The following P4HB variants were observed in gnomAD, a reference collection of about 807,000 sequenced individuals.
P4HB encodes the protein prolyl 4-hydroxylase subunit beta.
In P4HB, 20 loss-of-function variants were observed where a neutral mutation model predicts 52.6. The observed-to-expected ratio is 0.38, with a 90% CI of 0.27 to 0.55. The LOEUF is 0.55. P4HB is among the 20% of genes least tolerant of loss of function. P4HB has a pLI of 0.74. For missense variants in P4HB, 601 were observed against 669.2 expected, an observed-to-expected ratio of 0.90 and a Z score of 1.12; for synonymous variants, 296 against 277.9, an observed-to-expected ratio of 1.07 and a Z score of -0.65.
At chr17:81,844,118 C>A in intron 10 of P4HB, 26 bp from the exon 11 acceptor site, 2 of 1,541,390 alleles carry the variant, frequency 1.3e-6, no homozygotes, top group Non-Finnish European at 1.8e-6. Flanking sequence ...AGGGGCGGGG[C>A]GGGCAGGTTG....
chr17:81,855,202 G>A lies in P4HB; in HGVS notation c.564C>T (p.Ser188=). 1.2e-6 allele frequency: 2 copies of A among 1,613,986 alleles called. No homozygotes were observed. The highest frequency in any genetic ancestry group is 1.7e-6 in the Non-Finnish European group (2 of 1,179,910). The change falls in exon 4 of 11, where the codon TCC becomes TCT. Residue 188 remains serine, a synonymous_variant. Coordinates refer to ENST00000331483, the MANE Select transcript of P4HB (RefSeq NM_000918.4). The surrounding 1 kb of genome is among the most constrained non-coding windows in gnomAD (Gnocchi z 4.3). ...GGTATTTGGAGAACACGTCACTGTT[G>A]GAAGTGATCCCAAATGGTATGTCAT... ...AIDDIPFGIT[S]NSDVFSKYQL...
chr17:81,857,793 TC>T (rs2038934080), intron 2 of P4HB, among the ~76,000 whole-genome samples: 1 of 152,110 alleles, frequency 6.6e-6, no homozygotes. Flanking sequence ...CTCTCCTTTT[TC>T]CCTCCTAGAA....
At chr17:81,851,951 G>A (rs1198315518) in intron 4 of P4HB, among the ~76,000 whole-genome samples, 2 of 152,252 alleles carry the variant, frequency 1.3e-5, no homozygotes, top group Admixed American at 6.5e-5. Context: ...GGCAGGCTGA[G>A]GCAGGAGGAT....
intron 2 of P4HB, 147 bp downstream of exon 2, chr17:81,859,034 T>C: frequency 1.5e-6 from 1 of 669,968 alleles, no homozygotes. Context: ...AGGGCACAAG[T>C]GGACAGAGAA....
chr17:81,848,248 C>T (rs1311630863), intron 4 of P4HB, among the ~76,000 whole-genome samples: 1 of 152,228 alleles, frequency 6.6e-6, no homozygotes, highest in Non-Finnish European at 1.5e-5. Flanking sequence ...TGCCTTTTCA[C>T]TCTCCCTCTC....
In P4HB at chr17:81,859,576, G is replaced by A. The variant is rs954251318; in HGVS notation, c.146-189C>T. The A allele has an allele frequency of 1.3e-5, 8 of 597,846 alleles. No homozygotes were observed. The Admixed American group carries it at 2.4e-4, about 18-fold the overall frequency. The allele number at this position is 597,846 out of a possible 1,614,324, so 37.0% of individuals were successfully genotyped here. A position where few individuals can be genotyped will look rare whatever the true frequency, so the allele number is the denominator to read the frequency against. On this transcript the variant is annotated intron_variant, in intron 1 of 10. Coordinates refer to ENST00000331483, the MANE Select transcript of P4HB (RefSeq NM_000918.4). Reference sequence around the variant, plus strand: ...GTTCTTGGGCAATATCAGGACAGAGGCCGTGAACGACAAACTACCACCAAC... The same window carrying A: ...GTTCTTGGGCAATATCAGGACAGAGACCGTGAACGACAAACTACCACCAAC...
At chr17:81,854,819 G>GT (rs1471247875) in intron 4 of P4HB, among the ~76,000 whole-genome samples, 9 of 149,860 alleles carry the variant, frequency 6.0e-5, no homozygotes, top group Admixed American at 3.3e-4. Context: ...TCCAGCATGG[G>GT]TGACAGAGCA....
intron 1 of P4HB, chr17:81,860,044 C>G (rs372887926): frequency 3.3e-6 from 1 of 304,492 alleles, no homozygotes; most frequent in Non-Finnish European, 6.0e-6. Context: ...AGGCTGGACA[C>G]TGGCTTGCTC....
chr17:81,860,321 G>A lies in P4HB; in HGVS notation c.145+6C>T. On this transcript the variant is annotated splice_donor_region_variant and intron_variant, in intron 1 of 10. Coordinates refer to ENST00000331483, the MANE Select transcript of P4HB (RefSeq NM_000918.4). ...GCCCCGCCCGCCCGCCAGGCCCGGC[G>A]CTCACAGAACTCCACCAGCAGGTAC... is the stretch of plus-strand genomic sequence containing the variant. 3 of 1,455,226 alleles carry A rather than the reference G, an allele frequency of 2.1e-6. No individual in the cohort carries two copies. The highest frequency in any genetic ancestry group is 3.0e-5 in the East Asian group (1 of 32,794). The allele number at this position is 1,455,226 out of a possible 1,614,324, so 90.1% of individuals were successfully genotyped here.
Position 81,843,450 on chromosome 17 carries a change from G to T in P4HB, c.*562C>A. 2.5e-6 allele frequency: 1 copy of T among 399,968 alleles called. No homozygotes were observed. The highest frequency in any genetic ancestry group is 1.3e-4 in the South Asian group (1 of 7,912). The allele number at this position is 399,968 out of a possible 1,614,324, so 24.8% of individuals were successfully genotyped here. ...AGCCACCAGCTCCTCTTCCAGGCATGGGGGACACCCTGACAGGATCCGGAA... is the reference window on the plus strand; with the variant it reads ...AGCCACCAGCTCCTCTTCCAGGCATTGGGGACACCCTGACAGGATCCGGAA... On this transcript the variant is annotated 3_prime_UTR_variant, in exon 11 of 11. Coordinates refer to ENST00000331483, the MANE Select transcript of P4HB (RefSeq NM_000918.4).
At chr17:81,844,608 C>T (rs967612863) in intron 10 of P4HB, among the ~76,000 whole-genome samples, 6 of 152,222 alleles carry the variant, frequency 3.9e-5, no homozygotes, top group African/African-American at 1.4e-4. Context: ...CACCAGCACT[C>T]CCAGCAGGCC....
At chr17:81,852,932 G>A (rs1208746556) in intron 4 of P4HB, among the ~76,000 whole-genome samples, 3 of 152,242 alleles carry the variant, frequency 2.0e-5, no homozygotes, top group Non-Finnish European at 1.5e-5. Flanking sequence ...ACAAGACTTG[G>A]AACTTTCTCT....
chr17:81,846,385 G>T lies in P4HB; in HGVS notation c.1056+44C>A. 3.2e-6 allele frequency: 5 copies of T among 1,580,332 alleles called. No homozygotes were observed. Among genetic ancestry groups the T allele is most frequent in the Non-Finnish European group, 4.3e-6 (5 of 1,151,656 alleles). ...GAGAGCCCAGAGACCCCAAGGTGGC[G>T]GCTCTACCCGGGAGGCAGCCCTGGC... On this transcript the variant is annotated intron_variant, in intron 7 of 10. Coordinates refer to ENST00000331483, the MANE Select transcript of P4HB (RefSeq NM_000918.4). The surrounding 1 kb of genome is among the most constrained non-coding windows in gnomAD (Gnocchi z 5.7).
Position 81,860,523 on chromosome 17 carries a change from G to C in P4HB, c.-52C>G. ...TCGGTTGGCGCCGCCGGGACAGCGG[G>C]GGCGACGAGAGCGCGCGCCGGTCCC... On this transcript the variant is annotated 5_prime_UTR_variant, in exon 1 of 11. Coordinates refer to ENST00000331483, the MANE Select transcript of P4HB (RefSeq NM_000918.4). 2 of 1,231,174 alleles carry C rather than the reference G, an allele frequency of 1.6e-6. No homozygotes were observed. The highest frequency in any genetic ancestry group is 2.0e-6 in the Non-Finnish European group (2 of 985,328). The allele number at this position is 1,231,174 out of a possible 1,614,324, so 76.3% of individuals were successfully genotyped here. A position where few individuals can be genotyped will look rare whatever the true frequency, so the allele number is the denominator to read the frequency against.
intron 2 of P4HB, among the ~76,000 whole-genome samples, chr17:81,856,456 C>T (rs778619260): frequency 1.7e-4 from 25 of 150,530 alleles, no homozygotes; most frequent in Non-Finnish European, 2.8e-4. Flanking sequence ...TCCTGCCTGA[C>T]CCTCCCGCGT....
intron 4 of P4HB, among the ~76,000 whole-genome samples, chr17:81,850,377 C>T (rs192754396): frequency 3.3e-5 from 5 of 152,236 alleles, no homozygotes; most frequent in African/African-American, 4.8e-5. Context: ...CTCAGGTGAT[C>T]GGCCTGCTTC....
intron 4 of P4HB, among the ~76,000 whole-genome samples, chr17:81,854,734 C>T (rs1403600741): frequency 2.6e-5 from 4 of 151,278 alleles, no homozygotes; most frequent in African/African-American, 2.4e-5. Flanking sequence ...CCCAGCTACT[C>T]GGGAGGCCGA....
rs1456677151 is a variant in P4HB at position 81,847,285 on chromosome 17, G to T, written c.687C>A (p.Ile229=). The change falls in exon 5 of 11, where the codon ATC becomes ATA. Residue 229 remains isoleucine (I), a synonymous_variant. Coordinates refer to ENST00000331483, the MANE Select transcript of P4HB (RefSeq NM_000918.4). ...TGACAAGGGGCAGCTGGTTGTGTTT[G>T]ATAAAGTCCAGCAGGTTCTCCTTGG... ...EVTKENLLDF[I]KHNQLPLVIE... is the part of the protein sequence containing the mutation. The T allele has an allele frequency of 6.2e-7, 1 of 1,614,174 alleles. No individual in the cohort carries two copies.
At chr17:81,859,766 C>G (rs569122586) in intron 1 of P4HB, 7 of 309,310 alleles carry the variant, frequency 2.3e-5, no homozygotes, top group South Asian at 2.0e-4. Flanking sequence ...GCGGCCTGTA[C>G]CAGCACTAGC....
Sources: gnomAD v4.1 joint callset for allele counts (sites outside exome capture counted in the v4.1 genomes callset) on GRCh38, gnomAD v4.1.1 for gene constraint, Gnocchi (gnomAD v3.1) non-coding constraint, MANE v1.5 for transcripts, NCBI Gene and HGNC (gene_info 2026-07-23, HGNC 2026-07-21) for gene names.